MAST1: variants seen among roughly 807,000 people sequenced by gnomAD.
The protein encoded by MAST1 is microtubule-associated serine/threonine-protein kinase 1.
MAST1 carries 40 observed loss-of-function variants against 124.6 expected under a neutral mutation model. The observed-to-expected ratio is 0.32, with a 90% confidence interval of 0.25 to 0.42. MAST1 has a LOEUF of 0.42. Ranked by LOEUF, MAST1 falls within the 10% of genes least tolerant of loss-of-function variation. The pLI, the probability that MAST1 is intolerant of heterozygous loss-of-function variation, is 1.00. For synonymous variants in MAST1, 938 were observed against 939.4 expected (o/e 1.00, Z 0.03); for missense variants, 1,558 against 2,181.9 (o/e 0.71, Z 5.70).
intron 2 of MAST1, among the ~76,000 whole-genome samples, 158 bp from the exon 3 acceptor site, chr19:12,840,833 T>C (rs1182035570): frequency 6.6e-6 from 1 of 151,132 alleles, no homozygotes; most frequent in Admixed American, 6.6e-5. Flanking sequence ...CCAGGCTGAC[T>C]CGGCAACGAA....
intron 10 of MAST1, among the ~76,000 whole-genome samples, chr19:12,853,635 A>G (rs949617101): frequency 6.6e-5 from 10 of 152,140 alleles, no homozygotes; most frequent in African/African-American, 1.9e-4. Context: ...TGGGAGGCCA[A>G]GATGGGTGGA....
intron 4 of MAST1, among the ~76,000 whole-genome samples, chr19:12,845,122 T>C (rs1969876572): frequency 6.6e-6 from 1 of 151,954 alleles, no homozygotes; most frequent in Non-Finnish European, 1.5e-5. Context: ...GCCAACATGG[T>C]GAAACCCTGT....
intron 12 of MAST1, among the ~76,000 whole-genome samples, chr19:12,860,836 A>C (rs1377372667): frequency 6.6e-6 from 1 of 151,956 alleles, no homozygotes; most frequent in African/African-American, 2.4e-5. Context: ...GGCTATTATG[A>C]CACATACATG....
In MAST1 at chr19:12,858,506, C is replaced by T. The variant is rs770142064; in HGVS notation, c.1158-25C>T. 3.1e-6 allele frequency: 5 copies of T among 1,612,122 alleles called. No homozygotes were observed. In the East Asian group the frequency reaches 8.9e-5, roughly 29 times the overall value. ...GGCCGGGTGTCTCGGAGGTGACGGCCGGTCCTCGCTCTCTCCCCCTGCAGC... is the reference window on the plus strand; with the variant it reads ...GGCCGGGTGTCTCGGAGGTGACGGCTGGTCCTCGCTCTCTCCCCCTGCAGC... On this transcript the variant is annotated intron_variant, in intron 11 of 25. Coordinates refer to ENST00000251472, the MANE Select transcript of MAST1 (RefSeq NM_014975.3).
At position 12,870,852 on chromosome 19, in the gene MAST1, A is replaced by G; in HGVS notation, c.3032A>G (p.Glu1011Gly). The part of the protein sequence containing the change: ...WHVEEGGPAQ[E>G]AGLCAGDLIT... ...GTGGAGGAAGGAGGCCCAGCCCAGGAGGCAGGACTCTGTGCTGGGGACCTC... is the reference window on the plus strand; with the variant it reads ...GTGGAGGAAGGAGGCCCAGCCCAGGGGGCAGGACTCTGTGCTGGGGACCTC... The change falls in exon 23 of 26, where the codon GAG becomes GGG. Residue 1011 changes from glutamate (E) to glycine (G), a missense_variant. This residue lies in a region of MAST1 where 291 missense variants were observed against 475.8 expected (regional missense o/e 0.61). Coordinates refer to ENST00000251472, the MANE Select transcript of MAST1 (RefSeq NM_014975.3). 6.2e-7 allele frequency: 1 copy of G among 1,613,596 alleles called. No individual in the cohort carries two copies. The highest frequency in any genetic ancestry group is 8.5e-7 in the Non-Finnish European group (1 of 1,179,722).
At chr19:12,862,443 C>T (rs960704302) in intron 12 of MAST1, among the ~76,000 whole-genome samples, 1 of 152,134 alleles carries the variant, frequency 6.6e-6, no homozygotes, top group Non-Finnish European at 1.5e-5. Context: ...CAGGCAGGCA[C>T]CACCATGTCC....
chr19:12,845,238 G>A (rs538132251), intron 4 of MAST1, among the ~76,000 whole-genome samples: 2 of 151,812 alleles, frequency 1.3e-5, no homozygotes, highest in East Asian at 3.9e-4. Context: ...GAGAACTGGA[G>A]GTTGCAGTGA....
At chr19:12,860,222 C>T (rs149644037) in intron 12 of MAST1, among the ~76,000 whole-genome samples, 184 of 152,076 alleles carry the variant, frequency 1.2e-3, no homozygotes, top group African/African-American at 4.4e-3. Context: ...TCACACCATT[C>T]TCCTGCCTCA....
chr19:12,864,437 C>G (rs1171394046), intron 12 of MAST1, among the ~76,000 whole-genome samples: 1 of 151,724 alleles, frequency 6.6e-6, no homozygotes, highest in Non-Finnish European at 1.5e-5. Flanking sequence ...GAATCTGCAT[C>G]TAAGGCTTCC....
Position 12,869,112 on chromosome 19 carries a change from A to G in MAST1, c.2820A>G (p.Arg940=). The G allele has an allele frequency of 6.2e-7, 1 of 1,614,104 alleles. No homozygotes were observed. The highest frequency in any genetic ancestry group is 8.5e-7 in the Non-Finnish European group (1 of 1,180,008). ...CCCTTGCTAGTCCCATGTCTCCACG[A>G]TCTCTGTCCTCCAACCCATCCTCAC... ...SSPLASPMSP[R]SLSSNPSSRD... is the part of the protein sequence containing the mutation. The change falls in exon 22 of 26, where the codon CGA becomes CGG. Residue 940 remains arginine (R), a synonymous_variant. Transcript: ENST00000251472.
At chr19:12,871,913 CAAAAA>C (rs34674708) in intron 24 of MAST1, among the ~76,000 whole-genome samples, 1 of 61,038 alleles carries the variant, frequency 1.6e-5, no homozygotes, top group African/African-American at 6.4e-5. Context: ...TAGACTCTTT[CAAAAA>C]AAAAAAAAAA....
intron 12 of MAST1, among the ~76,000 whole-genome samples, chr19:12,862,812 T>C (rs1396479528): frequency 6.6e-6 from 1 of 151,732 alleles, no homozygotes; most frequent in East Asian, 1.9e-4. Context: ...GAATTATAGG[T>C]ATGCACCACC....
At chr19:12,840,054 A>G (rs536810331) in intron 1 of MAST1, among the ~76,000 whole-genome samples, 50 of 152,322 alleles carry the variant, frequency 3.3e-4, no homozygotes, top group African/African-American at 1.2e-3. Context: ...CACACGTATC[A>G]CACTAGAATG....
rs202082749 is a variant in MAST1, at chr19:12,871,136, G to A, written c.3227G>A (p.Arg1076Lys). The change falls in exon 24 of 26, where the codon AGG becomes AAG. Residue 1076 changes from arginine (R) to lysine (K), a missense_variant. Coordinates refer to ENST00000251472, the MANE Select transcript of MAST1 (RefSeq NM_014975.3). ...RSSYKAKMAR[R>K]NKRPSAKEGQ... ...AGCTACAAGGCTAAAATGGCTCGGAGGAACAAGCGACCCTCCGCCAAGGAG... is the reference window on the plus strand; with the variant it reads ...AGCTACAAGGCTAAAATGGCTCGGAAGAACAAGCGACCCTCCGCCAAGGAG... 2 of 1,614,204 alleles carry A rather than the reference G, an allele frequency of 1.2e-6. No individual in the cohort carries two copies. The highest frequency in any genetic ancestry group is 2.2e-5 in the East Asian group (1 of 44,886).
intron 7 of MAST1, among the ~76,000 whole-genome samples, chr19:12,850,667 G>A (rs1280209464): frequency 6.6e-6 from 1 of 151,830 alleles, no homozygotes; most frequent in Non-Finnish European, 1.5e-5. Context: ...CTTTTTTTTG[G>A]CTCAAGTTAC....
intron 10 of MAST1, among the ~76,000 whole-genome samples, chr19:12,855,882 A>G (rs1970010791): frequency 6.6e-6 from 1 of 151,648 alleles, no homozygotes; most frequent in South Asian, 2.1e-4. Context: ...TTAATCTAAT[A>G]GTTTCTGAGA....
intron 25 of MAST1, 47 bp from the exon 26 acceptor site, chr19:12,873,562 C>T: frequency 1.3e-6 from 2 of 1,580,814 alleles, no homozygotes; most frequent in Non-Finnish European, 1.7e-6. Context: ...GGTGGCCTGG[C>T]TGGTGCTTGG....
At position 12,866,616 on chromosome 19, in the gene MAST1, C is replaced by A. The variant is rs1157987016; in HGVS notation, c.2030-37C>A. 1.4e-6 allele frequency: 2 copies of A among 1,411,248 alleles called. No homozygotes were observed. Among genetic ancestry groups the A allele is most frequent in the African/African-American group, 1.4e-5 (1 of 70,708 alleles). The allele number at this position is 1,411,248 out of a possible 1,614,324, so 87.4% of individuals were successfully genotyped here. A position where few individuals can be genotyped will look rare whatever the true frequency, so the allele number is the denominator to read the frequency against. On this transcript the variant is annotated intron_variant, in intron 17 of 25. Coordinates refer to ENST00000251472, the MANE Select transcript of MAST1 (RefSeq NM_014975.3). This position sits in a 1 kb window ranked among gnomAD's most constrained non-coding sequence, Gnocchi z 5.2. Reference sequence around the variant, plus strand: ...GTGGGGATGTGATATGAGGAGGAACCCCGTACCCTCAGTCACAGCCCATAC... The same window carrying A: ...GTGGGGATGTGATATGAGGAGGAACACCGTACCCTCAGTCACAGCCCATAC...
chr19:12,874,422 G>A lies in MAST1; in HGVS notation c.4265G>A (p.Arg1422Gln), dbSNP rs757817936. The change falls in exon 26 of 26, where the codon CGG (arginine) becomes CAG (glutamine). Residue 1422 changes from arginine to glutamine, a missense_variant. Coordinates refer to ENST00000251472, the MANE Select transcript of MAST1 (RefSeq NM_014975.3). The surrounding 1 kb of genome is among the most constrained non-coding windows in gnomAD (Gnocchi z 6.6). ...LSPVQEHETG[R>Q]RSSSGEAGTP... ...CCGGTGCAGGAACACGAGACAGGCC[G>A]GCGCAGCAGCTCTGGCGAGGCGGGC... 1.6e-5 allele frequency: 25 copies of A among 1,598,442 alleles called. No homozygotes were observed. The highest frequency in any genetic ancestry group is 2.2e-5 in the South Asian group (2 of 90,954).
Sources: allele counts gnomAD v4.1 joint callset (sites outside exome capture counted in the v4.1 genomes callset), GRCh38; gene constraint gnomAD v4.1.1; regional missense constraint gnomAD v4.1.1; non-coding constraint Gnocchi (gnomAD v3.1); transcripts MANE v1.5; gene names NCBI Gene and HGNC (gene_info 2026-07-23, HGNC 2026-07-21).